Variants in TRPM7 observed in about 807,000 individuals in gnomAD.
TRPM7 encodes the protein LTRPC ion channel family member 7.
Under a neutral mutation model 229.7 loss-of-function variants are expected in TRPM7, and 134 were observed. The observed-to-expected ratio is 0.58, with a 90% CI of 0.51 to 0.67. The LOEUF is 0.67. TRPM7 is among the 30% of genes least tolerant of loss of function. The pLI, the probability that TRPM7 is intolerant of heterozygous loss-of-function variation, is 0.00. For missense variants in TRPM7, 1,901 were observed against 2,210.0 expected, an observed-to-expected ratio of 0.86 and a Z score of 2.80; for synonymous variants, 699 against 715.2, an observed-to-expected ratio of 0.98 and a Z score of 0.36.
chr15:50,650,941 T>C (rs1175499621), intron 3 of TRPM7, among the ~76,000 whole-genome samples: 3 of 152,284 alleles, frequency 2.0e-5, no homozygotes, highest in African/African-American at 7.2e-5. Flanking sequence ...GTAATCCTAG[T>C]ATTTTTGAAA....
chr15:50,596,186 A>G (rs1375951148), intron 23 of TRPM7, 69 bp downstream of exon 23: 10 of 1,131,246 alleles, frequency 8.8e-6, no homozygotes, highest in Non-Finnish European at 1.2e-5. Context: ...AGTTCTATAA[A>G]TTTCCTTCAA....
At chr15:50,635,318 TAAAAAA>T (rs71124393) in intron 7 of TRPM7, among the ~76,000 whole-genome samples, 1 of 42,916 alleles carries the variant, frequency 2.3e-5, no homozygotes, top group Non-Finnish European at 4.1e-5. Flanking sequence ...CTCCCTCACA[TAAAAAA>T]AAAAAAAAAA....
At chr15:50,588,728 T>C (rs1472735382) in intron 27 of TRPM7, among the ~76,000 whole-genome samples, 4 of 152,214 alleles carry the variant, frequency 2.6e-5, no homozygotes, top group Admixed American at 2.6e-4. Context: ...TGTAGCCACA[T>C]TACCACTCCA....
intron 22 of TRPM7, among the ~76,000 whole-genome samples, chr15:50,597,164 A>G (rs1342427468): frequency 6.6e-6 from 1 of 152,234 alleles, no homozygotes; most frequent in Non-Finnish European, 1.5e-5. Context: ...TACCGTGATT[A>G]GATTTGAATT....
intron 10 of TRPM7, 62 bp downstream of exon 10, chr15:50,631,355 C>T: frequency 6.1e-6 from 6 of 975,626 alleles, no homozygotes; most frequent in Non-Finnish European, 7.9e-6. Flanking sequence ...TACACACATA[C>T]ACACACATAT....
intron 5 of TRPM7, among the ~76,000 whole-genome samples, chr15:50,640,599 T>TA (rs2061072769): frequency 6.6e-6 from 1 of 152,078 alleles, no homozygotes; most frequent in Admixed American, 6.6e-5. Flanking sequence ...TATTACTTCT[T>TA]ATGGGCTGAA....
At chr15:50,613,271 A>G (rs1409009089) in intron 15 of TRPM7, among the ~76,000 whole-genome samples, 1 of 152,210 alleles carries the variant, frequency 6.6e-6, no homozygotes, top group Non-Finnish European at 1.5e-5. Context: ...TGGGAGGCTG[A>G]GGAGGATGGA....
At chr15:50,643,626 T>G in intron 4 of TRPM7, 73 bp from the exon 5 acceptor site, 1 of 1,230,068 alleles carries the variant, frequency 8.1e-7, no homozygotes, top group Non-Finnish European at 1.2e-6. Flanking sequence ...TTATATGACT[T>G]TGGAAAATTT....
rs1209433923 is a variant in TRPM7, at chr15:50,663,014, G to C, written c.36C>G (p.Thr12=). Residue 12 remains threonine (T), a synonymous_variant, in exon 2 of 39, where the codon ACC becomes ACG. Coordinates refer to ENST00000646667, the MANE Select transcript of TRPM7 (RefSeq NM_017672.6). Reference sequence around the variant, plus strand: ...GTATAATATATACACATTCCCTCTTGGTCAAAGTGCTTTCTATCCAGGATT... The same window carrying C: ...GTATAATATATACACATTCCCTCTTCGTCAAAGTGCTTTCTATCCAGGATT... ...SQKSWIESTL[T]KRECVYIIPS... The C allele has an allele frequency of 3.7e-6, 6 of 1,613,656 alleles. No individual in the cohort carries two copies. In the South Asian group the frequency reaches 6.6e-5, roughly 18 times the overall value.
intron 8 of TRPM7, among the ~76,000 whole-genome samples, chr15:50,634,128 G>A (rs2060816640): frequency 6.6e-6 from 1 of 152,026 alleles, no homozygotes; most frequent in East Asian, 1.9e-4. Context: ...AGACTAGCCT[G>A]CCCAACACAG....
intron 12 of TRPM7, among the ~76,000 whole-genome samples, chr15:50,622,290 CAA>C (rs1238732641): frequency 6.6e-6 from 1 of 152,066 alleles, no homozygotes; most frequent in Non-Finnish European, 1.5e-5. Flanking sequence ...CCCTGAAAAT[CAA>C]AAAGTTTGAG....
At chr15:50,630,894 G>A (rs375929950) in intron 10 of TRPM7, among the ~76,000 whole-genome samples, 5 of 152,010 alleles carry the variant, frequency 3.3e-5, no homozygotes, top group African/African-American at 4.8e-5. Flanking sequence ...GGAATACAGC[G>A]GCATGATCAC....
intron 22 of TRPM7, among the ~76,000 whole-genome samples, chr15:50,598,643 T>A (rs2059694138): frequency 2.0e-5 from 3 of 152,204 alleles, no homozygotes; most frequent in Non-Finnish European, 4.4e-5. Context: ...CAACTCAAGC[T>A]AATGAAATGA....
At chr15:50,563,362 C>T (rs983865881) in intron 38 of TRPM7, among the ~76,000 whole-genome samples, 2 of 152,196 alleles carry the variant, frequency 1.3e-5, no homozygotes, top group Admixed American at 6.5e-5. Flanking sequence ...TACAAATCCA[C>T]TGGAAGGTTT....
At chr15:50,596,996 C>G (rs2059650686) in intron 22 of TRPM7, among the ~76,000 whole-genome samples, 1 of 152,204 alleles carries the variant, frequency 6.6e-6, no homozygotes, top group South Asian at 2.1e-4. Flanking sequence ...GATCTGTCAG[C>G]CTCAGCCTCC....
At position 50,596,312 on chromosome 15, in the gene TRPM7, G is replaced by T; in HGVS notation, c.3233C>A (p.Ala1078Glu). 6.2e-7 allele frequency: 1 copy of T among 1,605,512 alleles called. No individual in the cohort carries two copies. Among genetic ancestry groups the T allele is most frequent in the Non-Finnish European group, 8.5e-7 (1 of 1,174,922 alleles). ...GATATACTGTACAAAGAGGTAGACTGCTTGAAGAAATGGAGTCAACCACGT... is the reference window on the plus strand; with the variant it reads ...GATATACTGTACAAAGAGGTAGACTTCTTGAAGAAATGGAGTCAACCACGT... ...PGTWLTPFLQ[A>E]VYLFVQYIIM... is the part of the protein sequence containing the mutation. The change falls in exon 23 of 39, where the codon GCA (alanine) becomes GAA (glutamate). Residue 1078 changes from alanine (A) to glutamate (E), a missense_variant. This residue lies in a region of TRPM7 where 89 missense variants were observed against 178.2 expected (regional missense o/e 0.50). Transcript: ENST00000646667.
intron 3 of TRPM7, among the ~76,000 whole-genome samples, chr15:50,652,130 C>T (rs1596309175): frequency 6.6e-6 from 1 of 150,972 alleles, no homozygotes. Context: ...GTCAGGAGTT[C>T]GAGACCAGCC....
In TRPM7 at chr15:50,592,351, A is replaced by C. The variant is rs1485246334; in HGVS notation, c.3884T>G (p.Val1295Gly). 6.2e-7 allele frequency: 1 copy of C among 1,614,162 alleles called. No homozygotes were observed. Among genetic ancestry groups the C allele is most frequent in the Non-Finnish European group, 8.5e-7 (1 of 1,180,010 alleles). The part of the protein sequence containing the change: ...RPSVWKKHGV[V>G]NTLSSSLPQG... ...AGGAAGAGAGGAGCTAAGTGTATTT[A>C]CAACACCATGCTTTTTCCATACAGA... Residue 1295 changes from valine (V) to glycine (G), a missense_variant, in exon 26 of 39, where the codon GTA becomes GGA. Transcript: ENST00000646667.
intron 21 of TRPM7, chr15:50,604,647 AT>A (rs2059875441): frequency 2.6e-6 from 1 of 387,530 alleles, no homozygotes; most frequent in African/African-American, 2.1e-5. Flanking sequence ...TAAACCATAG[AT>A]GGTATAGCTA....
Sources: allele counts gnomAD v4.1 joint callset (sites outside exome capture counted in the v4.1 genomes callset), GRCh38; gene constraint gnomAD v4.1.1; regional missense constraint gnomAD v4.1.1; transcripts MANE v1.5; gene names NCBI Gene and HGNC (gene_info 2026-07-23, HGNC 2026-07-21).